Variants in PIK3R4 observed in about 807,000 individuals in gnomAD.
PIK3R4 encodes the protein phosphoinositide-3-kinase regulatory subunit 4, also known as phosphoinositide 3-kinase regulatory subunit 4.
In PIK3R4, 46 loss-of-function variants were observed where a neutral mutation model predicts 136.5. The observed-to-expected ratio is 0.34, with a 90% CI of 0.27 to 0.43. The LOEUF (loss-of-function observed/expected upper bound fraction) is 0.43, where lower values mean the gene tolerates loss of function less well. Ranked by LOEUF, PIK3R4 falls within the 20% of genes least tolerant of loss-of-function variation. The probability of loss-of-function intolerance (pLI) is 1.00; values close to 1 mark genes in which losing one functional copy is unlikely to be tolerated. For synonymous variants in PIK3R4, 557 were observed against 566.7 expected (o/e 0.98, Z 0.24); for missense variants, 1,331 against 1,649.5 (o/e 0.81, Z 3.35).
rs1370511551 is a variant in PIK3R4, at chr3:130,690,565, T to A, written c.3188A>T (p.Asn1063Ile). ...GSHYLAIASDNGAVQLLGIEA... is the reference protein window; with the variant it reads ...GSHYLAIASDIGAVQLLGIEA... ...AATTCCAAGAAGCTGGACAGCACCA[T>A]TATCAGATGCTATGGCTAAATAGTG... is the stretch of plus-strand genomic sequence containing the variant. The change falls in exon 14 of 20, where the codon AAT becomes ATT. Residue 1063 changes from asparagine to isoleucine, a missense_variant. Around this residue, in one of 2 missense-constraint regions of PIK3R4, gnomAD observed 1,180 missense variants for 1,407.0 expected, o/e 0.84. Transcript: ENST00000356763. 1.2e-6 allele frequency: 2 copies of A among 1,612,462 alleles called. No individual in the cohort carries two copies. Among genetic ancestry groups the A allele is most frequent in the Non-Finnish European group, 1.7e-6 (2 of 1,178,518 alleles).
At chr3:130,711,689 C>T (rs1467532300) in intron 9 of PIK3R4, among the ~76,000 whole-genome samples, 1 of 152,134 alleles carries the variant, frequency 6.6e-6, no homozygotes, top group Non-Finnish European at 1.5e-5. Flanking sequence ...TATCCTAAAC[C>T]TATCTTAACA....
intron 15 of PIK3R4, among the ~76,000 whole-genome samples, chr3:130,685,309 A>C (rs1465329483): frequency 6.6e-6 from 1 of 152,190 alleles, no homozygotes; most frequent in Non-Finnish European, 1.5e-5. Flanking sequence ...AAGGTGATAG[A>C]TTTGTTAGTT....
chr3:130,721,336 CA>C (rs573651423), intron 7 of PIK3R4, among the ~76,000 whole-genome samples: 3,162 of 76,198 alleles, frequency 0.041, 84 homozygotes, highest in African/African-American at 0.13. Context: ...GACTCCGTCT[CA>C]AAAAAAAAAA....
chr3:130,686,526 C>T (rs2066492083), intron 14 of PIK3R4, 104 bp from the exon 15 acceptor site: 1 of 676,058 alleles, frequency 1.5e-6, no homozygotes, highest in Non-Finnish European at 2.6e-6. Context: ...GAAACCAGAG[C>T]TATGTGACTC....
intron 8 of PIK3R4, among the ~76,000 whole-genome samples, chr3:130,716,941 A>T (rs1576458570): frequency 6.6e-6 from 1 of 152,222 alleles, no homozygotes; most frequent in South Asian, 2.1e-4. Context: ...AGGTCTGACA[A>T]CCAGCAGGTA....
Position 130,744,550 on chromosome 3 carries a change from T to C in PIK3R4, c.669A>G (p.Val223=). The C allele has an allele frequency of 1.2e-6, 2 of 1,614,188 alleles. No individual in the cohort carries two copies. The highest frequency in any genetic ancestry group is 1.7e-6 in the Non-Finnish European group (2 of 1,179,994). ...EYMRDPSTPL[V]DLNSNQRTRG... ...TTGTTCTCTGATTGCTATTTAAGTC[T>C]ACAAGCGGAGTTGAAGGATCTCTCA... The change falls in exon 2 of 20, where the codon GTA becomes GTG. Residue 223 remains valine (V), a synonymous_variant. Coordinates refer to ENST00000356763, the MANE Select transcript of PIK3R4 (RefSeq NM_014602.3).
intron 13 of PIK3R4, among the ~76,000 whole-genome samples, chr3:130,692,558 TC>T (rs1279852474): frequency 6.6e-6 from 1 of 152,262 alleles, no homozygotes; most frequent in East Asian, 1.9e-4. Context: ...TTAATATTAT[TC>T]CACTGTATGG....
In PIK3R4 at chr3:130,680,618, C is replaced by A. The variant is rs779599185; in HGVS notation, c.3901G>T (p.Val1301Phe). 30 of 1,572,514 alleles carry A rather than the reference C, an allele frequency of 1.9e-5. No homozygotes were observed. The highest frequency in any genetic ancestry group is 2.5e-5 in the Non-Finnish European group (29 of 1,143,672). ...YRKIIEGTEV[V>F]QEIQNKQKVG... is the part of the protein sequence containing the mutation. ...GAATGAAAAGACTACAGTACCTGGA[C>A]AACTTCAGTGCCTTCAATTATTTTC... Residue 1301 changes from valine (V) to phenylalanine (F), a missense_variant, in exon 19 of 20, where the codon GTC becomes TTC. Coordinates refer to ENST00000356763, the MANE Select transcript of PIK3R4 (RefSeq NM_014602.3).
At chr3:130,746,087 C>G (rs1295507068) in intron 1 of PIK3R4, among the ~76,000 whole-genome samples, 2 of 151,856 alleles carry the variant, frequency 1.3e-5, no homozygotes, top group Non-Finnish European at 2.9e-5. Context: ...TCTAAAAATT[C>G]AGTTAACTCC....
At chr3:130,683,166 T>C (rs1285994644) in intron 16 of PIK3R4, among the ~76,000 whole-genome samples, 1 of 152,076 alleles carries the variant, frequency 6.6e-6, no homozygotes, top group East Asian at 1.9e-4. Flanking sequence ...AAGAATACCA[T>C]AGGAAGAGCA....
chr3:130,702,899 A>G (rs1236640180), intron 13 of PIK3R4, among the ~76,000 whole-genome samples: 1 of 152,120 alleles, frequency 6.6e-6, no homozygotes, highest in Admixed American at 6.6e-5. Flanking sequence ...CCATTCTATA[A>G]TTTTTTTACT....
intron 2 of PIK3R4, among the ~76,000 whole-genome samples, chr3:130,739,152 C>A (rs2066804637): frequency 6.6e-6 from 1 of 152,232 alleles, no homozygotes; most frequent in East Asian, 1.9e-4. Flanking sequence ...TCTCAGCTCA[C>A]TGCAAGCTCC....
chr3:130,738,984 A>T (rs901094387), intron 2 of PIK3R4, among the ~76,000 whole-genome samples: 3 of 152,276 alleles, frequency 2.0e-5, no homozygotes, highest in Non-Finnish European at 4.4e-5. Context: ...CAAAAATTCA[A>T]TCAGGCAAGA....
chr3:130,718,291 T>C, intron 8 of PIK3R4, 98 bp downstream of exon 8: 1 of 1,027,374 alleles, frequency 9.7e-7, no homozygotes, highest in Non-Finnish European at 1.5e-6. Flanking sequence ...CCAATTTAAA[T>C]ACTTAAAAAA....
chr3:130,690,335 TTTA>T lies in PIK3R4; in HGVS notation c.3263+152_3263+154del. Reference sequence around the variant, plus strand: ...TGAGCTGGAAGCACATTTTTAAAATTTTATTTATTTATTTATTTATTTTATGGG... The same window carrying T: ...TGAGCTGGAAGCACATTTTTAAAATTTTTATTTATTTATTTATTTTATGGG... On this transcript the variant is annotated intron_variant, in intron 14 of 19. Coordinates refer to ENST00000356763, the MANE Select transcript of PIK3R4 (RefSeq NM_014602.3). Among the ~76,000 whole-genome samples the T allele has an allele frequency of 2.1e-5, 3 of 141,308 alleles. No individual in the cohort carries two copies. The South Asian group carries it at 6.2e-4, about 29-fold the overall frequency. The allele number at this position is 141,308 out of a possible 152,430, so 92.7% of individuals were successfully genotyped here. A position where few individuals can be genotyped will look rare whatever the true frequency, so the allele number is the denominator to read the frequency against.
At chr3:130,719,696 G>A (rs572730094) in intron 7 of PIK3R4, among the ~76,000 whole-genome samples, 1 of 152,174 alleles carries the variant, frequency 6.6e-6, no homozygotes, top group South Asian at 2.1e-4. Flanking sequence ...GTATTATACT[G>A]AATTATTTAC....
At chr3:130,701,617 G>A (rs2066575202) in intron 13 of PIK3R4, among the ~76,000 whole-genome samples, 1 of 151,970 alleles carries the variant, frequency 6.6e-6, no homozygotes, top group African/African-American at 2.4e-5. Flanking sequence ...GGAACCTCCT[G>A]GTATGATGGT....
At chr3:130,680,906 A>G in intron 18 of PIK3R4, 71 bp downstream of exon 18, 1 of 823,260 alleles carries the variant, frequency 1.2e-6, no homozygotes, top group Non-Finnish European at 2.0e-6. Context: ...TTTAAACATT[A>G]CAGTGCCATC....
chr3:130,694,653 G>A lies in PIK3R4; in HGVS notation c.3099-3999C>T, dbSNP rs542902474. Among the ~76,000 whole-genome samples the A allele has an allele frequency of 3.9e-5, 6 of 152,088 alleles. No individual in the cohort carries two copies. The South Asian group carries it at 1.0e-3, about 26-fold the overall frequency. On this transcript the variant is annotated intron_variant, in intron 13 of 19. Transcript: ENST00000356763. ...TTCTGCAACTTTGTTGAACTTATTA[G>A]TTCTAGTAAGTTTTTAAAACAATTA... is the stretch of plus-strand genomic sequence containing the variant.
Sources: allele counts gnomAD v4.1 joint callset (sites outside exome capture counted in the v4.1 genomes callset), GRCh38; gene constraint gnomAD v4.1.1; regional missense constraint gnomAD v4.1.1; transcripts MANE v1.5; gene names NCBI Gene and HGNC (gene_info 2026-07-23, HGNC 2026-07-21).